MAP3K5: variants seen among roughly 807,000 people sequenced by gnomAD.
The protein encoded by MAP3K5 is mitogen-activated protein kinase kinase kinase 5.
A neutral mutation model predicts 158.7 loss-of-function variants in MAP3K5; 56 were observed. The ratio of observed to expected loss-of-function variants is 0.35; its 90% CI spans 0.28 to 0.44. MAP3K5 has a LOEUF of 0.44. Ranked by LOEUF, MAP3K5 falls within the 20% of genes least tolerant of loss-of-function variation. The probability of loss-of-function intolerance (pLI) is 1.00; values close to 1 mark genes in which losing one functional copy is unlikely to be tolerated. For missense variants in MAP3K5, 1,294 were observed against 1,674.8 expected (o/e 0.77, Z 3.97); for synonymous variants, 579 against 601.7 (o/e 0.96, Z 0.55).
intron 1 of MAP3K5, among the ~76,000 whole-genome samples, chr6:136,763,513 A>G (rs563176461): frequency 6.2e-4 from 95 of 152,344 alleles, no homozygotes; most frequent in African/African-American, 2.1e-3. Flanking sequence ...CCCTATCTAT[A>G]GAAACTGAAA....
chr6:136,712,175 CTT>C (rs35467964), intron 2 of MAP3K5, among the ~76,000 whole-genome samples: 21 of 135,398 alleles, frequency 1.6e-4, no homozygotes, highest in East Asian at 2.1e-4. Flanking sequence ...TTTAATAGAG[CTT>C]TTTTTTTTTT....
chr6:136,713,686 T>A (rs1781406183), intron 2 of MAP3K5, among the ~76,000 whole-genome samples: 1 of 152,206 alleles, frequency 6.6e-6, no homozygotes, highest in Non-Finnish European at 1.5e-5. Context: ...GAAAGTTAGA[T>A]CATTTCTGAA....
chr6:136,638,727 A>G (rs1307081131), intron 13 of MAP3K5, among the ~76,000 whole-genome samples: 1 of 152,174 alleles, frequency 6.6e-6, no homozygotes, highest in African/African-American at 2.4e-5. Context: ...TGGATTCAAC[A>G]AACACTTTTC....
At chr6:136,712,720 A>G (rs998295602) in intron 2 of MAP3K5, among the ~76,000 whole-genome samples, 4 of 152,190 alleles carry the variant, frequency 2.6e-5, no homozygotes, top group Non-Finnish European at 4.4e-5. Flanking sequence ...AGCTCCCATG[A>G]TTCCCACATG....
chr6:136,651,479 T>C (rs1256155760), intron 10 of MAP3K5, among the ~76,000 whole-genome samples: 2 of 152,222 alleles, frequency 1.3e-5, no homozygotes, highest in East Asian at 1.9e-4. Flanking sequence ...AAAAGGTCCA[T>C]ACATAGAATG....
intron 2 of MAP3K5, among the ~76,000 whole-genome samples, chr6:136,716,416 T>TA (rs1468739581): frequency 2.0e-5 from 3 of 152,270 alleles, no homozygotes; most frequent in African/African-American, 7.2e-5. Flanking sequence ...TAGCATTGTT[T>TA]AAAGTGAGTG....
In MAP3K5 at chr6:136,701,015, C is replaced by T. The variant is rs189694555; in HGVS notation, c.613-2333G>A. Among the ~76,000 whole-genome samples the T allele has an allele frequency of 1.5e-4, 23 of 152,286 alleles. No individual in the cohort carries two copies. In the East Asian group the frequency reaches 3.7e-3, roughly 24 times the overall value. ...CCATGTGTGTGTGCCAGGGTATGAA[C>T]AGTCATAAGTCAGTGGGTCACAACC... On this transcript the variant is annotated intron_variant, in intron 3 of 29. Coordinates refer to ENST00000359015, the MANE Select transcript of MAP3K5 (RefSeq NM_005923.4).
At chr6:136,616,944 C>T (rs1776592956) in intron 15 of MAP3K5, among the ~76,000 whole-genome samples, 1 of 151,860 alleles carries the variant, frequency 6.6e-6, no homozygotes, top group Non-Finnish European at 1.5e-5. Context: ...TCTCAAACTC[C>T]TGAGCTCAAG....
At chr6:136,696,639 C>G (rs1321549529) in intron 5 of MAP3K5, among the ~76,000 whole-genome samples, 1 of 152,154 alleles carries the variant, frequency 6.6e-6, no homozygotes, top group Non-Finnish European at 1.5e-5. Flanking sequence ...AACCTAAGAG[C>G]AAATCCCTAA....
chr6:136,659,413 G>A, intron 8 of MAP3K5, 35 bp from the exon 9 acceptor site: 1 of 1,599,224 alleles, frequency 6.3e-7, no homozygotes, highest in South Asian at 1.1e-5. Context: ...TGTTACAAAT[G>A]CACCCCACAC....
intron 15 of MAP3K5, among the ~76,000 whole-genome samples, chr6:136,621,433 T>A (rs1471195461): frequency 6.6e-6 from 1 of 152,246 alleles, no homozygotes; most frequent in Admixed American, 6.5e-5. Context: ...ACACTTGCTA[T>A]GTTGCTTAAA....
At chr6:136,681,590 A>AC in intron 7 of MAP3K5, among the ~76,000 whole-genome samples, 1 of 152,172 alleles carries the variant, frequency 6.6e-6, no homozygotes, top group African/African-American at 2.4e-5. Context: ...CCATGATCAC[A>AC]CCCCTGCACT....
At chr6:136,710,066 C>T (rs1170336948) in intron 2 of MAP3K5, among the ~76,000 whole-genome samples, 2 of 152,194 alleles carry the variant, frequency 1.3e-5, no homozygotes, top group Non-Finnish European at 2.9e-5. Flanking sequence ...ATCATGTAAC[C>T]TTAAAGGAGG....
intron 3 of MAP3K5, among the ~76,000 whole-genome samples, chr6:136,702,953 C>T (rs1780915072): frequency 6.6e-6 from 1 of 152,182 alleles, no homozygotes; most frequent in East Asian, 1.9e-4. Context: ...GCCTCAGCCT[C>T]CCAAAGTGCT....
At chr6:136,780,619 T>C (rs1401109842) in intron 1 of MAP3K5, among the ~76,000 whole-genome samples, 2 of 152,168 alleles carry the variant, frequency 1.3e-5, no homozygotes, top group Admixed American at 6.5e-5. Context: ...GGAAGGGAAA[T>C]TGATGAGTTA....
chr6:136,607,747 A>T (rs1362833039), intron 18 of MAP3K5, among the ~76,000 whole-genome samples: 1 of 152,210 alleles, frequency 6.6e-6, no homozygotes, highest in Non-Finnish European at 1.5e-5. Context: ...CATTTAACAG[A>T]TCCACACTGA....
chr6:136,649,063 G>A (rs1252146887), intron 11 of MAP3K5, among the ~76,000 whole-genome samples: 4 of 152,148 alleles, frequency 2.6e-5, no homozygotes, highest in Non-Finnish European at 4.4e-5. Flanking sequence ...TCTGCCTCCC[G>A]GGTTCCAGCA....
At chr6:136,683,991 G>A (rs1682667959) in intron 7 of MAP3K5, among the ~76,000 whole-genome samples, 1 of 152,104 alleles carries the variant, frequency 6.6e-6, no homozygotes, top group Non-Finnish European at 1.5e-5. Context: ...CAGCACTTTG[G>A]GAAGCTGGGG....
chr6:136,704,420 G>A lies in MAP3K5; in HGVS notation c.612+690C>T, dbSNP rs538736355. Among the ~76,000 whole-genome samples the A allele has an allele frequency of 5.3e-5, 8 of 152,318 alleles. 1 individual carries two copies. Among genetic ancestry groups the A allele is most frequent in the African/African-American group, 1.7e-4 (7 of 41,584 alleles). On this transcript the variant is annotated intron_variant, in intron 3 of 29. Coordinates refer to ENST00000359015, the MANE Select transcript of MAP3K5 (RefSeq NM_005923.4). ...TATTGGAAAGGATGGCATGAATGCTGCCATGGAAACATACTATAGACACAT... is the reference window on the plus strand; with the variant it reads ...TATTGGAAAGGATGGCATGAATGCTACCATGGAAACATACTATAGACACAT...
Sources: gnomAD v4.1 joint callset for allele counts (sites outside exome capture counted in the v4.1 genomes callset) on GRCh38, gnomAD v4.1.1 for gene constraint, MANE v1.5 for transcripts, NCBI Gene and HGNC (gene_info 2026-07-23, HGNC 2026-07-21) for gene names.